PALS2: variants seen among roughly 807,000 people sequenced by gnomAD.
PALS2 encodes the protein protein PALS2.
In PALS2, 27 loss-of-function variants were observed where a neutral mutation model predicts 61.6. That is an observed-to-expected ratio of 0.44 (90% CI 0.32 to 0.60). The LOEUF (loss-of-function observed/expected upper bound fraction) is 0.60, where lower values mean the gene tolerates loss of function less well. Ranked by LOEUF, PALS2 falls within the 20% of genes least tolerant of loss-of-function variation. The probability of loss-of-function intolerance (pLI) is 0.05; values close to 1 mark genes in which losing one functional copy is unlikely to be tolerated. For synonymous variants in PALS2, 236 were observed against 218.6 expected (o/e 1.08, Z -0.70); for missense variants, 554 against 639.4 (o/e 0.87, Z 1.44).
intron 2 of PALS2, among the ~76,000 whole-genome samples, chr7:24,634,558 G>A (rs1785153715): frequency 6.6e-6 from 1 of 152,102 alleles, no homozygotes; most frequent in Non-Finnish European, 1.5e-5. Flanking sequence ...ATTTGATGAA[G>A]TCCAAGTTGT....
chr7:24,658,862 C>T (rs948965243), intron 5 of PALS2, among the ~76,000 whole-genome samples: 2 of 151,950 alleles, frequency 1.3e-5, no homozygotes, highest in African/African-American at 4.8e-5. Flanking sequence ...GCCCTTCCAA[C>T]TTCTAGGTTC....
At chr7:24,635,465 A>G (rs1471501606) in intron 2 of PALS2, among the ~76,000 whole-genome samples, 2 of 151,884 alleles carry the variant, frequency 1.3e-5, no homozygotes, top group Non-Finnish European at 2.9e-5. Context: ...ACTCCTTAGG[A>G]TTTTCTAAAT....
intron 5 of PALS2, among the ~76,000 whole-genome samples, chr7:24,662,793 A>AAAAG (rs1328804708): frequency 8.6e-5 from 11 of 127,886 alleles, no homozygotes; most frequent in South Asian, 2.4e-4. Context: ...AAAAAAAAAA[A>AAAAG]AAAGAAAGAA....
At chr7:24,639,670 TTTC>T (rs944499242) in intron 2 of PALS2, among the ~76,000 whole-genome samples, 5 of 151,036 alleles carry the variant, frequency 3.3e-5, no homozygotes, top group African/African-American at 9.8e-5. Context: ...TGTAGATTAT[TTTC>T]TTTTTTTTTT....
chr7:24,647,310 A>G (rs911895970), intron 3 of PALS2, among the ~76,000 whole-genome samples: 3 of 151,914 alleles, frequency 2.0e-5, no homozygotes, highest in Non-Finnish European at 2.9e-5. Flanking sequence ...CGTGACACCC[A>G]GCTAATTTTT....
intron 1 of PALS2, among the ~76,000 whole-genome samples, chr7:24,610,614 A>T (rs1179198300): frequency 6.6e-6 from 1 of 152,174 alleles, no homozygotes; most frequent in Admixed American, 6.5e-5. Context: ...ATTTTTATTG[A>T]TTTAATGTTT....
In PALS2 at chr7:24,665,814, C is replaced by G; in HGVS notation, c.883+127C>G. On this transcript the variant is annotated intron_variant, in intron 7 of 11. Coordinates refer to ENST00000222644, the MANE Select transcript of PALS2 (RefSeq NM_001303037.2). ...GAATGAATCCCTCCCTCTGCTTTCT[C>G]TCGCTCATAAGTAATCTTTTTTGAT... 6 of 989,102 alleles carry G rather than the reference C, an allele frequency of 6.1e-6. No homozygotes were observed. In the Admixed American group the frequency reaches 1.1e-4, roughly 17 times the overall value. 61.3% of individuals were successfully genotyped at this position (989,102 alleles called of 1,614,324 possible). A position where few individuals can be genotyped will look rare whatever the true frequency, so the allele number is the denominator to read the frequency against.
chr7:24,599,845 C>A (rs1783655651), intron 1 of PALS2, among the ~76,000 whole-genome samples: 1 of 151,926 alleles, frequency 6.6e-6, no homozygotes, highest in Admixed American at 6.6e-5. Context: ...ACCTTTTAAT[C>A]TTTTTTATTA....
chr7:24,634,819 G>A (rs1298251043), intron 2 of PALS2, among the ~76,000 whole-genome samples: 1 of 152,080 alleles, frequency 6.6e-6, no homozygotes, highest in East Asian at 1.9e-4. Flanking sequence ...ACCATTTGTT[G>A]AAAGGAATAT....
chr7:24,654,050 A>C (rs1312794138), intron 5 of PALS2, among the ~76,000 whole-genome samples: 1 of 152,226 alleles, frequency 6.6e-6, no homozygotes, highest in Non-Finnish European at 1.5e-5. Flanking sequence ...CAAGAATTTT[A>C]ACTGCTTTTA....
At chr7:24,612,614 C>T (rs2128052618) in intron 1 of PALS2, among the ~76,000 whole-genome samples, 1 of 151,766 alleles carries the variant, frequency 6.6e-6, no homozygotes, top group African/African-American at 2.4e-5. Context: ...TAATAATTTT[C>T]ATATCTGTCT....
At chr7:24,602,442 G>T (rs1583858392) in intron 1 of PALS2, among the ~76,000 whole-genome samples, 1 of 152,120 alleles carries the variant, frequency 6.6e-6, no homozygotes, top group Non-Finnish European at 1.5e-5. Context: ...ACTGTAGCTA[G>T]TTTGTAGCTG....
chr7:24,647,990 A>G (rs1449869653), intron 3 of PALS2, among the ~76,000 whole-genome samples: 1 of 152,186 alleles, frequency 6.6e-6, no homozygotes, highest in Non-Finnish European at 1.5e-5. Context: ...AAACTGCCAA[A>G]GGAGGATATA....
intron 11 of PALS2, among the ~76,000 whole-genome samples, chr7:24,685,658 T>G (rs1464813816): frequency 2.6e-5 from 4 of 151,912 alleles, no homozygotes; most frequent in Non-Finnish European, 4.4e-5. Context: ...TTTTTTTTTT[T>G]TTTTTTTTTT....
chr7:24,580,741 A>G (rs953406427), intron 1 of PALS2, among the ~76,000 whole-genome samples: 1 of 152,204 alleles, frequency 6.6e-6, no homozygotes, highest in Non-Finnish European at 1.5e-5. Context: ...CCTTGAACAA[A>G]TATACCCAGT....
chr7:24,638,532 C>T (rs1785359138), intron 2 of PALS2, among the ~76,000 whole-genome samples: 1 of 51,082 alleles, frequency 2.0e-5, no homozygotes, highest in Non-Finnish European at 3.0e-5. Flanking sequence ...GGGGTTTCAC[C>T]GTTTTAGCCG....
intron 11 of PALS2, among the ~76,000 whole-genome samples, chr7:24,685,474 C>T (rs1788146437): frequency 6.6e-6 from 1 of 152,076 alleles, no homozygotes; most frequent in Non-Finnish European, 1.5e-5. Context: ...CCAGTATAAG[C>T]AAGTGTGCCT....
intron 9 of PALS2, among the ~76,000 whole-genome samples, chr7:24,677,857 C>T (rs895523404): frequency 1.3e-5 from 2 of 152,140 alleles, no homozygotes; most frequent in Non-Finnish European, 2.9e-5. Context: ...AAGGGGAAAA[C>T]AGGAGTCCTA....
chr7:24,663,040 A>G (rs577583642), intron 5 of PALS2, among the ~76,000 whole-genome samples: 5 of 152,354 alleles, frequency 3.3e-5, no homozygotes, highest in South Asian at 4.1e-4. Context: ...AATGAATTTA[A>G]TGTTGATCAT....
Sources: allele counts gnomAD v4.1 joint callset (sites outside exome capture counted in the v4.1 genomes callset), GRCh38; gene constraint gnomAD v4.1.1; transcripts MANE v1.5; gene names NCBI Gene and HGNC (gene_info 2026-07-23, HGNC 2026-07-21).